The following PIWIL2 variants were observed in gnomAD, a reference collection of about 807,000 sequenced individuals.
PIWIL2 encodes the protein piwi like RNA-mediated gene silencing 2.
A neutral mutation model predicts 116.5 loss-of-function variants in PIWIL2; 81 were observed. The observed-to-expected ratio is 0.70, with a 90% CI of 0.58 to 0.84. PIWIL2 has a LOEUF of 0.84. Ranked by LOEUF, PIWIL2 falls within the 40% of genes least tolerant of loss-of-function variation. The pLI is 0.00. For missense variants in PIWIL2, 1,272 were observed against 1,212.3 expected (o/e 1.05, Z -0.73); for synonymous variants, 489 against 429.5 (o/e 1.14, Z -1.71).
At chr8:22,337,262 C>T (rs888234447) in intron 20 of PIWIL2, among the ~76,000 whole-genome samples, 1 of 150,838 alleles carries the variant, frequency 6.6e-6, no homozygotes, top group African/African-American at 2.4e-5. Context: ...CTGAAGAGTA[C>T]ACACACACAC....
intron 20 of PIWIL2, among the ~76,000 whole-genome samples, chr8:22,335,913 A>G (rs531865193): frequency 4.6e-5 from 7 of 152,296 alleles, no homozygotes; most frequent in Non-Finnish European, 1.0e-4. Context: ...GGAGTGACAT[A>G]TTACAATAGC....
chr8:22,330,737 T>TAAAA (rs1831840299), intron 20 of PIWIL2, among the ~76,000 whole-genome samples: 1 of 141,894 alleles, frequency 7.0e-6, no homozygotes, highest in Non-Finnish European at 1.5e-5. Flanking sequence ...AATAAATAAA[T>TAAAA]AAATAAAAAT....
rs1388030648 is a variant in PIWIL2, at chr8:22,304,145, A to G, written c.1306A>G (p.Lys436Glu). Residue 436 changes from lysine to glutamate, a missense_variant, in exon 11 of 23, where the codon AAG (lysine) becomes GAG (glutamate). By Grantham distance (56) the Lys-to-Glu change is moderately conservative. Transcript: ENST00000356766. The stretch of plus-strand genomic sequence containing the variant: ...TCGTATTGATGATGTGGATTGGAAT[A>G]AGACTCCAAAGGATAGCTTCACGAT... ...TYRIDDVDWNKTPKDSFTMSD... is the reference protein window; with the variant it reads ...TYRIDDVDWNETPKDSFTMSD... 8 of 1,613,188 alleles carry G rather than the reference A, an allele frequency of 5.0e-6. No homozygotes were observed. The highest frequency in any genetic ancestry group is 1.1e-5 in the South Asian group (1 of 91,052).
At chr8:22,292,565 CTT>C (rs1830790294) in intron 10 of PIWIL2, among the ~76,000 whole-genome samples, 5 of 152,246 alleles carry the variant, frequency 3.3e-5, no homozygotes, top group Admixed American at 3.3e-4. Flanking sequence ...GAGGCCGTGT[CTT>C]TTTTGCTCAC....
At chr8:22,343,841 A>G (rs1434239209) in intron 20 of PIWIL2, among the ~76,000 whole-genome samples, 1 of 152,220 alleles carries the variant, frequency 6.6e-6, no homozygotes, top group Non-Finnish European at 1.5e-5. Context: ...TAATTACTAA[A>G]CTAAATGTGC....
intron 20 of PIWIL2, among the ~76,000 whole-genome samples, chr8:22,325,193 C>G (rs1233341671): frequency 6.6e-6 from 1 of 152,124 alleles, no homozygotes; most frequent in African/African-American, 2.4e-5. Flanking sequence ...TATAAAGTCA[C>G]AATAGCATCC....
intron 6 of PIWIL2, among the ~76,000 whole-genome samples, chr8:22,287,202 G>A (rs1830647624): frequency 6.6e-6 from 1 of 152,196 alleles, no homozygotes; most frequent in African/African-American, 2.4e-5. Context: ...AGCTGAGATG[G>A]CTTCACTGCA....
chr8:22,282,924 G>A, intron 4 of PIWIL2, 110 bp from the exon 5 acceptor site: 3 of 833,860 alleles, frequency 3.6e-6, no homozygotes, highest in South Asian at 1.5e-5. Context: ...TTGAAACTTG[G>A]ATCCCTTTTG....
intron 20 of PIWIL2, among the ~76,000 whole-genome samples, chr8:22,343,125 A>G (rs1052554477): frequency 6.6e-6 from 1 of 151,792 alleles, no homozygotes; most frequent in Admixed American, 6.6e-5. Context: ...AACTTAGGCC[A>G]GGCGCAGTGG....
intron 20 of PIWIL2, among the ~76,000 whole-genome samples, chr8:22,338,273 C>T (rs972637849): frequency 2.6e-5 from 4 of 152,092 alleles, no homozygotes; most frequent in African/African-American, 9.7e-5. Flanking sequence ...ACAACACAAA[C>T]CTGCCAGAAC....
intron 10 of PIWIL2, among the ~76,000 whole-genome samples, chr8:22,290,871 A>G (rs1255245137): frequency 1.3e-5 from 2 of 151,840 alleles, no homozygotes; most frequent in Non-Finnish European, 2.9e-5. Context: ...TTTTGTTTAA[A>G]TTTGTGGTTA....
At chr8:22,325,769 C>A (rs1831711026) in intron 20 of PIWIL2, among the ~76,000 whole-genome samples, 1 of 152,054 alleles carries the variant, frequency 6.6e-6, no homozygotes, top group African/African-American at 2.4e-5. Flanking sequence ...CAGGTGTGAC[C>A]CATCGCGCCC....
intron 14 of PIWIL2, among the ~76,000 whole-genome samples, chr8:22,309,502 C>T (rs1831273678): frequency 6.6e-6 from 1 of 151,834 alleles, no homozygotes. Flanking sequence ...CCACACCCAG[C>T]TAATTTTTGT....
At chr8:22,286,822 C>T (rs1045433148) in intron 6 of PIWIL2, among the ~76,000 whole-genome samples, 5 of 151,716 alleles carry the variant, frequency 3.3e-5, no homozygotes, top group South Asian at 2.1e-4. Context: ...AGGGTTTCAC[C>T]GTGATGGCCA....
chr8:22,348,413 C>T (rs1832277566), intron 20 of PIWIL2, among the ~76,000 whole-genome samples: 1 of 152,014 alleles, frequency 6.6e-6, no homozygotes, highest in Non-Finnish European at 1.5e-5. Flanking sequence ...GTCAAACACT[C>T]AGCAGATATT....
At chr8:22,339,730 T>G (rs938628113) in intron 20 of PIWIL2, among the ~76,000 whole-genome samples, 10 of 152,172 alleles carry the variant, frequency 6.6e-5, no homozygotes, top group Non-Finnish European at 1.5e-4. Context: ...CCGATACATA[T>G]GGAAAGGCTC....
chr8:22,351,999 T>C (rs1247756917), intron 20 of PIWIL2, among the ~76,000 whole-genome samples: 1 of 152,024 alleles, frequency 6.6e-6, no homozygotes, highest in African/African-American at 2.4e-5. Context: ...GGCTGGAGTG[T>C]AGTGGCACAA....
chr8:22,306,107 C>A, intron 13 of PIWIL2, 91 bp downstream of exon 13: 1 of 848,040 alleles, frequency 1.2e-6, no homozygotes, highest in Non-Finnish European at 2.0e-6. Flanking sequence ...CACGTTCCAA[C>A]TCTGATGTTG....
At chr8:22,306,616 C>T (rs1289678369) in intron 13 of PIWIL2, among the ~76,000 whole-genome samples, 4 of 152,184 alleles carry the variant, frequency 2.6e-5, no homozygotes, top group Non-Finnish European at 5.9e-5. Context: ...GCTGTCCACG[C>T]TTGAACTCCT....
Sources: allele counts gnomAD v4.1 joint callset (sites outside exome capture counted in the v4.1 genomes callset), GRCh38; gene constraint gnomAD v4.1.1; transcripts MANE v1.5; gene names NCBI Gene and HGNC (gene_info 2026-07-23, HGNC 2026-07-21).